Variants in TMEM82 observed in about 807,000 individuals in gnomAD.
TMEM82 encodes the protein transmembrane protein 82.
Under a neutral mutation model 29.2 loss-of-function variants are expected in TMEM82, and 30 were observed. The observed-to-expected ratio is 1.03, with a 90% CI of 0.77 to 1.39. The LOEUF (loss-of-function observed/expected upper bound fraction) is 1.39, where lower values mean the gene tolerates loss of function less well. TMEM82 is among the 40% of genes most tolerant of loss of function. TMEM82 has a pLI of 0.00. For synonymous variants in TMEM82, 221 were observed against 225.4 expected, an observed-to-expected ratio of 0.98 and a Z score of 0.18; for missense variants, 442 against 447.7, an observed-to-expected ratio of 0.99 and a Z score of 0.12.
In TMEM82 at chr1:15,744,586, C is replaced by T. The variant is rs773295007; in HGVS notation, c.757+6C>T. 9 of 1,598,986 alleles carry T rather than the reference C, an allele frequency of 5.6e-6. No homozygotes were observed. In the African/African-American group the frequency reaches 6.7e-5, roughly 12 times the overall value. ...GCTGGTCATCTACATGCAGGGTGAGCGCTGCGGGGCCTGCTCCATTCAATC... is the reference window on the plus strand; with the variant it reads ...GCTGGTCATCTACATGCAGGGTGAGTGCTGCGGGGCCTGCTCCATTCAATC... On this transcript the variant is annotated splice_donor_region_variant and intron_variant, in intron 4 of 5. Coordinates refer to ENST00000375782, the MANE Select transcript of TMEM82 (RefSeq NM_001013641.3). This position sits in a 1 kb window ranked among gnomAD's most constrained non-coding sequence, Gnocchi z 5.2.
chr1:15,746,639 G>A (rs74503197), intron 4 of TMEM82, among the ~76,000 whole-genome samples: 2,714 of 152,198 alleles, frequency 0.018, 32 homozygotes, highest in Non-Finnish European at 0.028. Context: ...CGAGGCTGTG[G>A]GGCTCTGGCC....
At chr1:15,747,184 C>T (rs2068342956) in intron 5 of TMEM82, 130 bp downstream of exon 5, 2 of 1,002,214 alleles carry the variant, frequency 2.0e-6, no homozygotes, top group African/African-American at 1.6e-5. Context: ...CCCAAATACT[C>T]AGGAGGCTGA....
At chr1:15,743,338 G>T in intron 3 of TMEM82, 144 bp downstream of exon 3, 1 of 1,099,664 alleles carries the variant, frequency 9.1e-7, no homozygotes, top group Non-Finnish European at 1.3e-6. Flanking sequence ...GAGGCTGCAG[G>T]TTGCACCTTT....
intron 1 of TMEM82, 80 bp from the exon 2 acceptor site, chr1:15,742,755 C>A: frequency 6.6e-7 from 1 of 1,526,122 alleles, no homozygotes; most frequent in Non-Finnish European, 9.0e-7. Context: ...CCCTTGGCCG[C>A]CCCCTCTGAC....
At position 15,744,714 on chromosome 1, in the gene TMEM82, C is replaced by T. The variant is rs907090189; in HGVS notation, c.757+134C>T. 45 of 1,125,176 alleles carry T rather than the reference C, an allele frequency of 4.0e-5. No homozygotes were observed. In the East Asian group the frequency reaches 6.2e-4, roughly 16 times the overall value. The allele number at this position is 1,125,176 out of a possible 1,614,324, so 69.7% of individuals were successfully genotyped here. ...CCTGGTCAGGACAGAGGCTGTGTGG[C>T]GGGGGCAGTGCAGAGAAGCAGCATG... On this transcript the variant is annotated intron_variant, in intron 4 of 5. Transcript: ENST00000375782. This position sits in a 1 kb window ranked among gnomAD's most constrained non-coding sequence, Gnocchi z 5.2.
At chr1:15,747,462 G>T (rs915001768) in intron 5 of TMEM82, 84 bp from the exon 6 acceptor site, 3 of 1,186,736 alleles carry the variant, frequency 2.5e-6, no homozygotes, top group African/African-American at 1.5e-5. Context: ...GCCCAAGGGG[G>T]AGGAAGTGCC....
At position 15,744,246 on chromosome 1, in the gene TMEM82, C is replaced by A; in HGVS notation, c.423C>A (p.Phe141Leu). 6.3e-7 allele frequency: 1 copy of A among 1,583,174 alleles called. No homozygotes were observed. Among genetic ancestry groups the A allele is most frequent in the South Asian group, 1.1e-5 (1 of 87,568 alleles). Residue 141 changes from phenylalanine to leucine, a missense_variant, in exon 4 of 6, where the codon TTC becomes TTA. Phe to Leu is a conservative substitution (Grantham distance 22). Coordinates refer to ENST00000375782, the MANE Select transcript of TMEM82 (RefSeq NM_001013641.3). This position sits in a 1 kb window ranked among gnomAD's most constrained non-coding sequence, Gnocchi z 5.2. ...LGCGLTCGLS[F>L]LQEGAPHRTL... ...GCGGGCTGACCTGTGGCCTGAGCTT[C>A]CTGCAGGAGGGCGCCCCTCACCGCA...
chr1:15,747,666 G>A lies in TMEM82; in HGVS notation c.*34G>A. 1 of 1,582,414 alleles carries A rather than the reference G, an allele frequency of 6.3e-7. No homozygotes were observed. The highest frequency in any genetic ancestry group is 8.7e-7 in the Non-Finnish European group (1 of 1,153,314). ...AGGGAGGATCTGGAGTCTGTCTCAA[G>A]CCCACTAGCCTGATCTCCGAGGCCT... On this transcript the variant is annotated 3_prime_UTR_variant, in exon 6 of 6. Coordinates refer to ENST00000375782, the MANE Select transcript of TMEM82 (RefSeq NM_001013641.3).
At position 15,746,910 on chromosome 1, in the gene TMEM82, G is replaced by A. The variant is rs149895521; in HGVS notation, c.801G>A (p.Thr267=). ...CCGGCCTGCAGAGCCAGGTGCAGAC[G>A]GTGCTGGTGCGCATGGGCGGCCTCT... ...QHPGLQSQVQ[T]VLVRMGGLFV... The change falls in exon 5 of 6, where the codon ACG becomes ACA. Residue 267 remains threonine, a synonymous_variant. Coordinates refer to ENST00000375782, the MANE Select transcript of TMEM82 (RefSeq NM_001013641.3). The A allele has an allele frequency of 7.0e-4, 1,124 of 1,605,238 alleles. 9 individuals are homozygous for A. The African/African-American group carries it at 0.013, about 19-fold the overall frequency.
Position 15,744,129 on chromosome 1 carries a change from C to A in TMEM82, c.337-31C>A. On this transcript the variant is annotated intron_variant, in intron 3 of 5. Transcript: ENST00000375782. The surrounding 1 kb of genome is among the most constrained non-coding windows in gnomAD (Gnocchi z 5.2). Reference sequence around the variant, plus strand: ...AGCACCTGTGGTGAGGCAGCCCCCACATCTCGGCCCCTCTTCGGCACTCCC... The same window carrying A: ...AGCACCTGTGGTGAGGCAGCCCCCAAATCTCGGCCCCTCTTCGGCACTCCC... The A allele has an allele frequency of 6.8e-7, 1 of 1,468,644 alleles. No individual in the cohort carries two copies. Among genetic ancestry groups the A allele is most frequent in the Non-Finnish European group, 9.0e-7 (1 of 1,110,890 alleles). The allele number at this position is 1,468,644 out of a possible 1,614,324, so 91.0% of individuals were successfully genotyped here.
At chr1:15,745,537 G>GAGAGAGAAAGAGAGAA (rs777304796) in intron 4 of TMEM82, among the ~76,000 whole-genome samples, 1 of 145,308 alleles carries the variant, frequency 6.9e-6, no homozygotes, top group East Asian at 2.0e-4. Context: ...GAGAGAAAGA[G>GAGAGAGAAAGAGAGAA]AGAGAGAAAG....
chr1:15,746,344 G>T (rs1165075273), intron 4 of TMEM82, among the ~76,000 whole-genome samples: 1 of 150,832 alleles, frequency 6.6e-6, no homozygotes. Context: ...AATTAGCCAG[G>T]TGTGGTGGTG....
rs1009175087 is a variant in TMEM82, at chr1:15,744,715, G to A, written c.757+135G>A. The A allele has an allele frequency of 2.6e-5, 29 of 1,120,516 alleles. No homozygotes were observed. Among genetic ancestry groups the A allele is most frequent in the Middle Eastern group, 2.9e-4 (1 of 3,394 alleles). The allele number at this position is 1,120,516 out of a possible 1,614,324, so 69.4% of individuals were successfully genotyped here. A position where few individuals can be genotyped will look rare whatever the true frequency, so the allele number is the denominator to read the frequency against. ...CTGGTCAGGACAGAGGCTGTGTGGC[G>A]GGGGCAGTGCAGAGAAGCAGCATGT... On this transcript the variant is annotated intron_variant, in intron 4 of 5. Transcript: ENST00000375782. The surrounding 1 kb of genome is among the most constrained non-coding windows in gnomAD (Gnocchi z 5.2).
In TMEM82 at chr1:15,747,063, C is replaced by G. The variant is rs751923596; in HGVS notation, c.945+9C>G. ...ACCTCTGCCAGATACAGGTGGGCAC[C>G]CCCATCCCATGTGTCCCCCAGACAA... On this transcript the variant is annotated intron_variant, in intron 5 of 5. Transcript: ENST00000375782. 6.2e-7 allele frequency: 1 copy of G among 1,600,552 alleles called. No homozygotes were observed. The highest frequency in any genetic ancestry group is 8.5e-7 in the Non-Finnish European group (1 of 1,172,946).
chr1:15,743,437 C>T (rs978228923), intron 3 of TMEM82, among the ~76,000 whole-genome samples: 1 of 152,274 alleles, frequency 6.6e-6, no homozygotes, highest in Admixed American at 6.5e-5. Flanking sequence ...GATCCGGCCC[C>T]CCAAATGCCA....
rs2068301095 is a variant in TMEM82, at chr1:15,742,841, TC to T, written c.96del (p.Ile32MetfsTer9). On this transcript the variant is annotated frameshift_variant, in exon 2 of 6. Transcript: ENST00000375782. LOFTEE classifies it high-confidence loss of function. ...SLLDSLLQGL[I>X]GALGVLVLNS... ...CTCCCTCCCGCCCCCTCAGGCCTGA[TC>T]GGGGCCCTTGGAGTCTTGGTCCTGA... The T allele has an allele frequency of 1.2e-6, 2 of 1,612,392 alleles. No individual in the cohort carries two copies. The highest frequency in any genetic ancestry group is 1.7e-6 in the Non-Finnish European group (2 of 1,179,834).
chr1:15,744,135 G>C lies in TMEM82; in HGVS notation c.337-25G>C. 1 of 1,477,874 alleles carries C rather than the reference G, an allele frequency of 6.8e-7. No homozygotes were observed. The highest frequency in any genetic ancestry group is 9.0e-7 in the Non-Finnish European group (1 of 1,115,352). 91.5% of individuals were successfully genotyped at this position (1,477,874 alleles called of 1,614,324 possible). ...TGTGGTGAGGCAGCCCCCACATCTC[G>C]GCCCCTCTTCGGCACTCCCCGCAGG... On this transcript the variant is annotated intron_variant, in intron 3 of 5. Transcript: ENST00000375782. The surrounding 1 kb of genome is among the most constrained non-coding windows in gnomAD (Gnocchi z 5.2).
chr1:15,747,666 G>T lies in TMEM82; in HGVS notation c.*34G>T. ...AGGGAGGATCTGGAGTCTGTCTCAA[G>T]CCCACTAGCCTGATCTCCGAGGCCT... is the stretch of plus-strand genomic sequence containing the variant. On this transcript the variant is annotated 3_prime_UTR_variant, in exon 6 of 6. Transcript: ENST00000375782. 1 of 1,582,414 alleles carries T rather than the reference G, an allele frequency of 6.3e-7. No individual in the cohort carries two copies. The highest frequency in any genetic ancestry group is 1.7e-4 in the Middle Eastern group (1 of 5,988).
intron 4 of TMEM82, among the ~76,000 whole-genome samples, chr1:15,745,892 C>CAAA (rs914390608): frequency 3.2e-4 from 28 of 86,404 alleles, no homozygotes; most frequent in Non-Finnish European, 2.0e-4. Flanking sequence ...CCATCTCAAA[C>CAAA]AAAAAAAAAA....
Sources: allele counts gnomAD v4.1 joint callset (sites outside exome capture counted in the v4.1 genomes callset), GRCh38; gene constraint gnomAD v4.1.1; non-coding constraint Gnocchi (gnomAD v3.1); transcripts MANE v1.5; gene names NCBI Gene and HGNC (gene_info 2026-07-23, HGNC 2026-07-21).